The following OLFM3 variants were observed in gnomAD, a reference collection of about 807,000 sequenced individuals.
OLFM3 encodes the protein olfactomedin 3.
In OLFM3, 20 loss-of-function variants were observed where a neutral mutation model predicts 48.6. The ratio of observed to expected loss-of-function variants is 0.41; its 90% CI spans 0.29 to 0.60. The LOEUF is 0.60. Among genes scored for constraint, OLFM3 ranks in the 20% least tolerant of loss-of-function variants. The pLI, the probability that OLFM3 is intolerant of heterozygous loss-of-function variation, is 0.28. For synonymous variants in OLFM3, 222 were observed against 198.1 expected (o/e 1.12, Z -1.01); for missense variants, 437 against 544.3 (o/e 0.80, Z 1.96).
At chr1:101,950,446 T>TC (rs1284656799) in intron 1 of OLFM3, among the ~76,000 whole-genome samples, 3 of 151,198 alleles carry the variant, frequency 2.0e-5, no homozygotes, top group African/African-American at 7.3e-5. Flanking sequence ...TTTCTTTCTT[T>TC]TTTTTTTTTT....
chr1:101,919,678 T>C (rs1276302935), intron 1 of OLFM3, among the ~76,000 whole-genome samples: 2 of 152,214 alleles, frequency 1.3e-5, no homozygotes, highest in African/African-American at 4.8e-5. Context: ...GTGTTTCTTC[T>C]ACTCATCCTA....
At chr1:101,903,392 A>T (rs1658451796) in intron 1 of OLFM3, among the ~76,000 whole-genome samples, 1 of 152,128 alleles carries the variant, frequency 6.6e-6, no homozygotes, top group Non-Finnish European at 1.5e-5. Context: ...TAGGATATTC[A>T]AAGGTTAATT....
At chr1:101,919,868 T>C (rs1273049221) in intron 1 of OLFM3, among the ~76,000 whole-genome samples, 1 of 152,164 alleles carries the variant, frequency 6.6e-6, no homozygotes, top group Non-Finnish European at 1.5e-5. Flanking sequence ...AAACTGAATT[T>C]ATTATTTCTG....
At chr1:101,966,363 A>T (rs1660610016) in intron 1 of OLFM3, among the ~76,000 whole-genome samples, 1 of 108,416 alleles carries the variant, frequency 9.2e-6, no homozygotes, top group Non-Finnish European at 2.1e-5. Flanking sequence ...GCTACAGATA[A>T]GGTCTTACTG....
At chr1:101,882,619 A>G (rs1041744731) in intron 1 of OLFM3, 1 of 151,850 alleles carries the variant, frequency 6.6e-6, no homozygotes, top group African/African-American at 2.4e-5. Context: ...ATGACAGGGC[A>G]TGAGAAGGTA....
At chr1:101,921,511 G>A (rs12738676) in intron 1 of OLFM3, among the ~76,000 whole-genome samples, 27,625 of 152,128 alleles carry the variant, frequency 0.18, 3,193 homozygotes, top group Non-Finnish European at 0.27. Context: ...GAGAGGAGGA[G>A]TGGTGCTAGA....
At chr1:101,905,843 G>A (rs1295407811) in intron 1 of OLFM3, among the ~76,000 whole-genome samples, 2 of 152,062 alleles carry the variant, frequency 1.3e-5, no homozygotes, top group Non-Finnish European at 2.9e-5. Context: ...AAACCCAAAA[G>A]AATCTGCCTC....
intron 1 of OLFM3, among the ~76,000 whole-genome samples, chr1:101,907,452 T>C (rs1479047727): frequency 6.6e-6 from 1 of 152,214 alleles, no homozygotes; most frequent in Non-Finnish European, 1.5e-5. Context: ...CTTGATCTTA[T>C]CTGTGCAGGC....
rs74107176 is a variant in OLFM3 at position 101,947,800 on chromosome 1, G to A, written c.69+48948C>T. ...TCGGTGAGTTATTTAACTGCTCCAC[G>A]GCTCTTTATATGGCATATAGATAAT... is the stretch of plus-strand genomic sequence containing the variant. On this transcript the variant is annotated intron_variant, in intron 1 of 5. Coordinates refer to ENST00000370103, the MANE Select transcript of OLFM3 (RefSeq NM_058170.4). Among the ~76,000 whole-genome samples, 1,312 of 152,076 alleles carry A rather than the reference G, an allele frequency of 8.6e-3. 18 individuals carry two copies. Among genetic ancestry groups the A allele is most frequent in the African/African-American group, 0.03 (1,244 of 41,496 alleles).
intron 1 of OLFM3, among the ~76,000 whole-genome samples, chr1:101,932,785 C>T (rs1234014696): frequency 6.6e-6 from 1 of 152,100 alleles, no homozygotes; most frequent in African/African-American, 2.4e-5. Flanking sequence ...CACTAGTTCA[C>T]CAGCAATGGT....
At chr1:101,955,733 A>G (rs1471331342) in intron 1 of OLFM3, among the ~76,000 whole-genome samples, 1 of 151,962 alleles carries the variant, frequency 6.6e-6, no homozygotes, top group Non-Finnish European at 1.5e-5. Context: ...CATTTACCCA[A>G]TGGTTTCAAC....
At chr1:101,875,776 A>G (rs1657276186) in intron 1 of OLFM3, among the ~76,000 whole-genome samples, 1 of 138,490 alleles carries the variant, frequency 7.2e-6, no homozygotes, top group Admixed American at 7.2e-5. Flanking sequence ...GAGAATGTCA[A>G]TTCTCATACC....
At chr1:101,957,422 G>A (rs1440299271) in intron 1 of OLFM3, among the ~76,000 whole-genome samples, 2 of 151,914 alleles carry the variant, frequency 1.3e-5, no homozygotes, top group Non-Finnish European at 1.5e-5. Flanking sequence ...TTTTGGATTA[G>A]GATGGGATGG....
chr1:101,841,500 A>G (rs1379026874), intron 1 of OLFM3, among the ~76,000 whole-genome samples: 3 of 152,206 alleles, frequency 2.0e-5, no homozygotes, highest in Non-Finnish European at 2.9e-5. Flanking sequence ...ACTGCTATAG[A>G]GAAGACAGGC....
intron 1 of OLFM3, among the ~76,000 whole-genome samples, chr1:101,923,162 G>A (rs893719194): frequency 6.6e-6 from 1 of 152,134 alleles, no homozygotes; most frequent in African/African-American, 2.4e-5. Flanking sequence ...TTATTTCATA[G>A]GCATATCTCT....
At chr1:101,959,070 C>G (rs1159112118) in intron 1 of OLFM3, among the ~76,000 whole-genome samples, 1 of 148,604 alleles carries the variant, frequency 6.7e-6, no homozygotes, top group African/African-American at 2.5e-5. Flanking sequence ...CCGGTCTTAG[C>G]CCCTGGTGTT....
intron 1 of OLFM3, among the ~76,000 whole-genome samples, chr1:101,940,791 T>C (rs1429006605): frequency 6.6e-6 from 1 of 151,522 alleles, no homozygotes; most frequent in African/African-American, 2.4e-5. Context: ...CACAAATGTA[T>C]ATGTATAGCT....
chr1:101,840,229 T>G (rs1655648233), intron 1 of OLFM3, among the ~76,000 whole-genome samples: 1 of 152,210 alleles, frequency 6.6e-6, no homozygotes, highest in African/African-American at 2.4e-5. Flanking sequence ...GGAATAGCAA[T>G]CATTAATGGA....
At chr1:101,851,906 C>G (rs893359133) in intron 1 of OLFM3, among the ~76,000 whole-genome samples, 7 of 152,184 alleles carry the variant, frequency 4.6e-5, no homozygotes, top group Non-Finnish European at 7.4e-5. Context: ...CAGGTCTCAC[C>G]TGAGTCTGAT....
Sources: allele counts gnomAD v4.1 joint callset (sites outside exome capture counted in the v4.1 genomes callset), GRCh38; gene constraint gnomAD v4.1.1; transcripts MANE v1.5; gene names NCBI Gene and HGNC (gene_info 2026-07-23, HGNC 2026-07-21).